The following STON1 variants were observed in gnomAD, a reference collection of about 807,000 sequenced individuals.
STON1 encodes stonin-1.
A neutral mutation model predicts 60.9 loss-of-function variants in STON1; 79 were observed. The ratio of observed to expected loss-of-function variants is 1.30; its 90% CI spans 1.08 to 1.56. STON1 has a LOEUF of 1.56. Among genes scored for constraint, STON1 ranks in the 40% most tolerant of loss-of-function variants. STON1 has a pLI of 0.00. For missense variants in STON1, 1,166 were observed against 858.9 expected (o/e 1.36, Z -4.47); for synonymous variants, 363 against 306.9 (o/e 1.18, Z -1.91).
chr2:48,535,421 C>T (rs1256993199), intron 1 of STON1, among the ~76,000 whole-genome samples: 1 of 152,124 alleles, frequency 6.6e-6, no homozygotes, highest in South Asian at 2.1e-4. Flanking sequence ...CCTGTACTAC[C>T]ATGTCCCCTC....
At chr2:48,587,056 A>G (rs1674248889) in intron 2 of STON1, among the ~76,000 whole-genome samples, 1 of 152,198 alleles carries the variant, frequency 6.6e-6, no homozygotes, top group Admixed American at 6.5e-5. Context: ...TCTGTTTCCC[A>G]GTCCTGGCCA....
intron 1 of STON1, among the ~76,000 whole-genome samples, chr2:48,559,207 T>C (rs1672508915): frequency 6.6e-6 from 1 of 152,212 alleles, no homozygotes; most frequent in South Asian, 2.1e-4. Flanking sequence ...CTTTATTTAG[T>C]ATGTGCAAGA....
intron 2 of STON1, among the ~76,000 whole-genome samples, chr2:48,586,591 G>A (rs868350148): frequency 6.6e-6 from 1 of 152,198 alleles, no homozygotes; most frequent in African/African-American, 2.4e-5. Context: ...AACCACAGGT[G>A]TGTGGGTGGG....
chr2:48,555,301 G>T (rs1365229801), intron 1 of STON1, among the ~76,000 whole-genome samples: 46 of 47,758 alleles, frequency 9.6e-4, no homozygotes, highest in South Asian at 1.7e-3. Flanking sequence ...CGGACGGGGC[G>T]GCTGGCCGGG....
chr2:48,546,866 A>G (rs1288501740), intron 1 of STON1, among the ~76,000 whole-genome samples: 1 of 152,176 alleles, frequency 6.6e-6, no homozygotes, highest in Non-Finnish European at 1.5e-5. Flanking sequence ...GTGCCTGGCT[A>G]TACAAGAATC....
rs892186259 is a variant in STON1, at chr2:48,597,589, G to A, written c.*2287G>A. ...AGGTTATTCACTCACAAGCCACCGG[G>A]CCTTCAGGACATCTCAAGATTCAGT... On this transcript the variant is annotated 3_prime_UTR_variant, in exon 4 of 4. Coordinates refer to ENST00000404752, the MANE Select transcript of STON1 (RefSeq NM_006873.4). 5 of 152,492 alleles carry A rather than the reference G, an allele frequency of 3.3e-5. No homozygotes were observed. The highest frequency in any genetic ancestry group is 1.2e-4 in the African/African-American group (5 of 41,434). The allele number at this position is 152,492 out of a possible 1,614,324, so 9.4% of individuals were successfully genotyped here.
chr2:48,597,814 C>G lies in STON1; in HGVS notation c.*2512C>G, dbSNP rs1357360075. On this transcript the variant is annotated 3_prime_UTR_variant, in exon 4 of 4. Coordinates refer to ENST00000404752, the MANE Select transcript of STON1 (RefSeq NM_006873.4). ...GAGGCTTATTCAATTCTTCTGACCT[C>G]AGAACTGGCAGAAGGTCAGATGTGA... 1 of 152,292 alleles carries G rather than the reference C, an allele frequency of 6.6e-6. No individual in the cohort carries two copies. The highest frequency in any genetic ancestry group is 1.9e-4 in the East Asian group (1 of 5,184). 9.4% of individuals were successfully genotyped at this position (152,292 alleles called of 1,614,324 possible).
chr2:48,582,581 C>T lies in STON1; in HGVS notation c.1930+18C>T. On this transcript the variant is annotated intron_variant, in intron 2 of 3. Transcript: ENST00000404752. ...AAATTCAAGTAAATATTCAACACCC[C>T]AAGTTTATTTTCATGGGAAATAGCT... 2 of 1,596,642 alleles carry T rather than the reference C, an allele frequency of 1.3e-6. No homozygotes were observed. The highest frequency in any genetic ancestry group is 1.7e-6 in the Non-Finnish European group (2 of 1,172,034).
At position 48,597,463 on chromosome 2, in the gene STON1, T is replaced by C. The variant is rs1674830975; in HGVS notation, c.*2161T>C. 6.6e-6 allele frequency: 1 copy of C among 152,210 alleles called. No homozygotes were observed. Among genetic ancestry groups the C allele is most frequent in the Non-Finnish European group, 1.5e-5 (1 of 68,042 alleles). The allele number at this position is 152,210 out of a possible 1,614,324, so 9.4% of individuals were successfully genotyped here. On this transcript the variant is annotated 3_prime_UTR_variant, in exon 4 of 4. Coordinates refer to ENST00000404752, the MANE Select transcript of STON1 (RefSeq NM_006873.4). ...AACTCACAGTCTGATTAGGATGAACTTAATGACTATTTACACCTCAAAATA... is the reference window on the plus strand; with the variant it reads ...AACTCACAGTCTGATTAGGATGAACCTAATGACTATTTACACCTCAAAATA...
intron 1 of STON1, among the ~76,000 whole-genome samples, chr2:48,546,939 AG>A (rs1268154031): frequency 1.3e-5 from 2 of 152,212 alleles, no homozygotes; most frequent in Non-Finnish European, 2.9e-5. Flanking sequence ...CCCAATGGGC[AG>A]CTTACTTCAA....
intron 1 of STON1, among the ~76,000 whole-genome samples, chr2:48,579,235 C>T (rs755129355): frequency 2.0e-5 from 3 of 151,922 alleles, no homozygotes; most frequent in Non-Finnish European, 4.4e-5. Context: ...GAACTCCTGA[C>T]CTCAGGTGAT....
At chr2:48,543,529 C>CTTT (rs869048449) in intron 1 of STON1, among the ~76,000 whole-genome samples, 11 of 128,190 alleles carry the variant, frequency 8.6e-5, no homozygotes, top group Non-Finnish European at 1.5e-4. Context: ...TTAAAGATAA[C>CTTT]TTTTTTTTTT....
At chr2:48,548,633 G>A (rs1479021154) in intron 1 of STON1, among the ~76,000 whole-genome samples, 1 of 151,774 alleles carries the variant, frequency 6.6e-6, no homozygotes, top group Non-Finnish European at 1.5e-5. Flanking sequence ...AGAGTAACTG[G>A]GATTACAGGC....
intron 1 of STON1, among the ~76,000 whole-genome samples, chr2:48,535,120 G>A (rs185486778): frequency 1.9e-3 from 287 of 152,156 alleles, no homozygotes; most frequent in African/African-American, 6.3e-3. Flanking sequence ...TCTTTGCAGC[G>A]TCAGGAGAGT....
chr2:48,543,576 G>A lies in STON1; in HGVS notation c.-48+13360G>A, dbSNP rs569206248. Among the ~76,000 whole-genome samples, 6 of 142,604 alleles carry A rather than the reference G, an allele frequency of 4.2e-5. No individual in the cohort carries two copies. In the South Asian group the frequency reaches 1.3e-3, roughly 31 times the overall value. The allele number at this position is 142,604 out of a possible 152,430, so 93.6% of individuals were successfully genotyped here. A position where few individuals can be genotyped will look rare whatever the true frequency, so the allele number is the denominator to read the frequency against. ...AGCTGGAGTCTTGCTCTATCACCCA[G>A]GCTGGAGTGCAGTGGTGGGATCTCG... On this transcript the variant is annotated intron_variant, in intron 1 of 3. Transcript: ENST00000404752.
intron 1 of STON1, among the ~76,000 whole-genome samples, chr2:48,533,662 CAAAAA>C (rs57217272): frequency 1.8e-5 from 1 of 56,314 alleles, no homozygotes. Flanking sequence ...AACTCCGTCT[CAAAAA>C]AAAAAAAAAA....
intron 1 of STON1, among the ~76,000 whole-genome samples, chr2:48,536,661 G>C (rs1348871029): frequency 4.0e-5 from 6 of 151,498 alleles, no homozygotes; most frequent in African/African-American, 1.5e-4. Context: ...GGGCCATCTT[G>C]GATTTGACCA....
intron 1 of STON1, among the ~76,000 whole-genome samples, chr2:48,563,678 G>T (rs1672701808): frequency 1.4e-5 from 2 of 141,816 alleles, no homozygotes; most frequent in South Asian, 2.4e-4. Flanking sequence ...GGCTTTTTTT[G>T]TTTGTTTGTT....
chr2:48,532,682 C>A (rs1239845117), intron 1 of STON1, among the ~76,000 whole-genome samples: 1 of 152,128 alleles, frequency 6.6e-6, no homozygotes, highest in Non-Finnish European at 1.5e-5. Flanking sequence ...TGGTTTGCCA[C>A]GGGTACAAGA....
Sources: allele counts gnomAD v4.1 joint callset (sites outside exome capture counted in the v4.1 genomes callset), GRCh38; gene constraint gnomAD v4.1.1; transcripts MANE v1.5; gene names NCBI Gene and HGNC (gene_info 2026-07-23, HGNC 2026-07-21).